The following TP73 variants were observed in gnomAD, a reference collection of about 807,000 sequenced individuals.
TP73 encodes tumor protein p73, also known as p53-like transcription factor.
In TP73, 25 loss-of-function variants were observed where a neutral mutation model predicts 62.5. The ratio of observed to expected loss-of-function variants is 0.40; its 90% CI spans 0.29 to 0.56. The LOEUF (loss-of-function observed/expected upper bound fraction) is 0.56, where lower values mean the gene tolerates loss of function less well. TP73 is among the 20% of genes least tolerant of loss of function. TP73 has a pLI of 0.46. For missense variants in TP73, 754 were observed against 913.3 expected, an observed-to-expected ratio of 0.83 and a Z score of 2.25; for synonymous variants, 423 against 377.5, an observed-to-expected ratio of 1.12 and a Z score of -1.40.
chr1:3,732,111 C>T (rs1386344207), intron 13 of TP73, among the ~76,000 whole-genome samples: 1 of 152,140 alleles, frequency 6.6e-6, no homozygotes, highest in East Asian at 1.9e-4. Context: ...CACAGGGCAC[C>T]GTCAGTCAAG....
At chr1:3,731,211 C>T in intron 12 of TP73, 146 bp downstream of exon 12, 1 of 1,225,662 alleles carries the variant, frequency 8.2e-7, no homozygotes, top group East Asian at 2.5e-5. Flanking sequence ...GCAGTCAGGC[C>T]AGGAGCATCT....
chr1:3,705,189 C>T (rs921751959), intron 3 of TP73, among the ~76,000 whole-genome samples: 2 of 152,242 alleles, frequency 1.3e-5, no homozygotes, highest in South Asian at 2.1e-4. Context: ...GGCGTCCCCC[C>T]GTGATGTTTT....
intron 6 of TP73, among the ~76,000 whole-genome samples, chr1:3,724,680 T>G (rs758727798): frequency 2.7e-4 from 41 of 152,224 alleles, no homozygotes; most frequent in Middle Eastern, 3.2e-3. Context: ...CAGGGTGACA[T>G]GAAAACTGCC....
At position 3,707,919 on chromosome 1, in the gene TP73, G is replaced by A. The variant is rs1020088824; in HGVS notation, c.429+128G>A. On this transcript the variant is annotated intron_variant, in intron 4 of 13. Coordinates refer to ENST00000378295, the MANE Select transcript of TP73 (RefSeq NM_005427.4). ...TCTGCTCGGGGTTCCCACCTGGCCC[G>A]GGCCAGGAGGAGCATCGGGCAGGAG... 4.9e-5 allele frequency: 70 copies of A among 1,422,996 alleles called. 1 individual carries two copies. The highest frequency in any genetic ancestry group is 4.3e-4 in the Middle Eastern group (2 of 4,650). 88.1% of individuals were successfully genotyped at this position (1,422,996 alleles called of 1,614,324 possible).
At chr1:3,690,645 A>T in intron 3 of TP73, 3 of 1,386,714 alleles carry the variant, frequency 2.2e-6, no homozygotes, top group Non-Finnish European at 2.8e-6. Flanking sequence ...ATGAGGAATA[A>T]AGGGGTGGGC....
rs2124467218 is a variant in TP73 at position 3,719,902 on chromosome 1, G to A, written c.430-2119G>A. Among the ~76,000 whole-genome samples the A allele has an allele frequency of 2.0e-5, 3 of 149,194 alleles. No individual in the cohort carries two copies. In the East Asian group the frequency reaches 5.9e-4, roughly 29 times the overall value. On this transcript the variant is annotated intron_variant, in intron 4 of 13. Transcript: ENST00000378295. ...TCTTTTTTTCTCTTTGTGTGTGTGT[G>A]TGTGTGTGTGTGTGTGTGTGTGTGT... is the stretch of plus-strand genomic sequence containing the variant.
intron 1 of TP73, among the ~76,000 whole-genome samples, chr1:3,675,666 C>T (rs953664496): frequency 2.1e-4 from 32 of 152,160 alleles, no homozygotes; most frequent in African/African-American, 6.8e-4. Context: ...TAGGTAACAG[C>T]AGCCCTGCGG....
intron 4 of TP73, among the ~76,000 whole-genome samples, chr1:3,717,314 G>T (rs909758410): frequency 6.6e-6 from 1 of 152,162 alleles, no homozygotes; most frequent in African/African-American, 2.4e-5. Context: ...ATGTTGTACT[G>T]GGGCGGGGGA....
intron 1 of TP73, among the ~76,000 whole-genome samples, chr1:3,667,665 G>A (rs867363628): frequency 8.6e-5 from 13 of 151,278 alleles, no homozygotes; most frequent in African/African-American, 2.9e-4. Flanking sequence ...CATGAGAATC[G>A]CTTGAACCTG....
rs997415541 is a variant in TP73 at position 3,734,625 on chromosome 1, G to A, written c.*1546G>A. On this transcript the variant is annotated 3_prime_UTR_variant, in exon 14 of 14. Coordinates refer to ENST00000378295, the MANE Select transcript of TP73 (RefSeq NM_005427.4). The surrounding 1 kb of genome is among the most constrained non-coding windows in gnomAD (Gnocchi z 4.4). Reference sequence around the variant, plus strand: ...AGTTAAGCCCCTCAGGGCACAGCAAGGTTAGACACAGCCCCCATCCCCAGA... The same window carrying A: ...AGTTAAGCCCCTCAGGGCACAGCAAAGTTAGACACAGCCCCCATCCCCAGA... The A allele has an allele frequency of 6.6e-6, 1 of 152,360 alleles. No homozygotes were observed. The highest frequency in any genetic ancestry group is 1.5e-5 in the Non-Finnish European group (1 of 68,148). 9.4% of individuals were successfully genotyped at this position (152,360 alleles called of 1,614,324 possible). A position where few individuals can be genotyped will look rare whatever the true frequency, so the allele number is the denominator to read the frequency against.
At chr1:3,723,520 TCGGGGGA>T in intron 6 of TP73, 51 bp downstream of exon 6, 1 of 588,162 alleles carries the variant, frequency 1.7e-6, no homozygotes, top group Non-Finnish European at 2.9e-6. Flanking sequence ...GCTGTACGGG[TCGGGGGA>T]GGGGTCCCCT....
At chr1:3,715,268 G>C (rs913661423) in intron 4 of TP73, among the ~76,000 whole-genome samples, 1 of 152,164 alleles carries the variant, frequency 6.6e-6, no homozygotes, top group Non-Finnish European at 1.5e-5. Flanking sequence ...CACCTCTGTA[G>C]TACCGTCTTT....
At chr1:3,688,689 G>T (rs941619723) in intron 3 of TP73, among the ~76,000 whole-genome samples, 8 of 152,228 alleles carry the variant, frequency 5.3e-5, no homozygotes, top group African/African-American at 1.9e-4. Context: ...AAAGCTGGGT[G>T]CCGCTCTGGG....
In TP73 at chr1:3,663,049, T is replaced by C. The variant is rs1018936632; in HGVS notation, c.-34+10408T>C. The stretch of plus-strand genomic sequence containing the variant: ...ATACAGATGAGGGCTTTGCTGATCA[T>C]TATCTGGAAACAGTGATCACTGTCC... On this transcript the variant is annotated intron_variant, in intron 1 of 13. Coordinates refer to ENST00000378295, the MANE Select transcript of TP73 (RefSeq NM_005427.4). The surrounding 1 kb of genome is among the most constrained non-coding windows in gnomAD (Gnocchi z 4.7). 6.6e-6 allele frequency among the ~76,000 whole-genome samples: 1 copy of C among 152,234 alleles called. No individual in the cohort carries two copies. Among genetic ancestry groups the C allele is most frequent in the Non-Finnish European group, 1.5e-5 (1 of 68,042 alleles).
At chr1:3,658,660 A>G (rs1026504206) in intron 1 of TP73, among the ~76,000 whole-genome samples, 3 of 152,206 alleles carry the variant, frequency 2.0e-5, no homozygotes, top group South Asian at 2.1e-4. Flanking sequence ...TAGAAAAGAG[A>G]GTTTTTTACT....
intron 1 of TP73, among the ~76,000 whole-genome samples, chr1:3,681,615 C>T (rs1645522435): frequency 6.6e-6 from 1 of 152,194 alleles, no homozygotes. Context: ...CCAGGCTTCC[C>T]TGTGGCCCTG....
intron 3 of TP73, among the ~76,000 whole-genome samples, chr1:3,692,741 C>A (rs1645883528): frequency 6.6e-6 from 1 of 152,114 alleles, no homozygotes; most frequent in African/African-American, 2.4e-5. Context: ...CTAGTACAAT[C>A]TTTTCCCTTG....
intron 1 of TP73, among the ~76,000 whole-genome samples, chr1:3,657,658 G>A (rs554876578): frequency 7.4e-4 from 113 of 152,332 alleles, no homozygotes; most frequent in Non-Finnish European, 1.5e-3. Context: ...GAGGGGCCAT[G>A]GCGCAAACGG....
At chr1:3,665,490 A>G (rs1301869774) in intron 1 of TP73, among the ~76,000 whole-genome samples, 1 of 152,174 alleles carries the variant, frequency 6.6e-6, no homozygotes. Context: ...AAAGTATTAG[A>G]ATAACAGAAA....
Sources: allele counts gnomAD v4.1 joint callset (sites outside exome capture counted in the v4.1 genomes callset), GRCh38; gene constraint gnomAD v4.1.1; non-coding constraint Gnocchi (gnomAD v3.1); transcripts MANE v1.5; gene names NCBI Gene and HGNC (gene_info 2026-07-23, HGNC 2026-07-21).